TRPS1: variants seen among roughly 807,000 people sequenced by gnomAD.
TRPS1 encodes zinc finger transcription factor Trps1.
A neutral mutation model predicts 101.2 loss-of-function variants in TRPS1; 6 were observed. The ratio of observed to expected loss-of-function variants is 0.06; its 90% CI spans 0.03 to 0.12. The LOEUF (loss-of-function observed/expected upper bound fraction) is 0.12. Among genes scored for constraint, TRPS1 ranks in the 10% least tolerant of loss-of-function variants. The pLI is 1.00. For synonymous variants in TRPS1, 578 were observed against 589.8 expected (o/e 0.98, Z 0.29); for missense variants, 1,363 against 1,567.0 (o/e 0.87, Z 2.20).
chr8:115,577,092 T>C lies in TRPS1; in HGVS notation c.2700+9909A>G, dbSNP rs567401393. Among the ~76,000 whole-genome samples the C allele has an allele frequency of 5.3e-5, 8 of 152,272 alleles. 1 individual carries two copies. The East Asian group carries it at 1.5e-3, about 29-fold the overall frequency. ...ATATAGCCAGTATTGCCTTCAATTA[T>C]ACCATGATTTTGCAAACAAATATAC... On this transcript the variant is annotated intron_variant, in intron 5 of 6. Coordinates refer to ENST00000395715, the MANE Select transcript of TRPS1 (RefSeq NM_014112.5).
At chr8:115,578,243 T>C (rs1490830981) in intron 5 of TRPS1, among the ~76,000 whole-genome samples, 1 of 152,190 alleles carries the variant, frequency 6.6e-6, no homozygotes, top group Non-Finnish European at 1.5e-5. Context: ...TAGAAGTTAA[T>C]CCTTAAATAT....
intron 5 of TRPS1, among the ~76,000 whole-genome samples, chr8:115,506,506 T>C (rs1815448134): frequency 6.6e-6 from 1 of 152,106 alleles, no homozygotes; most frequent in African/African-American, 2.4e-5. Flanking sequence ...ATCTTGTTAT[T>C]GTTACTATTA....
chr8:115,539,882 G>C (rs1176716591), intron 5 of TRPS1, among the ~76,000 whole-genome samples: 3 of 152,134 alleles, frequency 2.0e-5, no homozygotes, highest in Non-Finnish European at 2.9e-5. Context: ...TCCTGATTTT[G>C]CTGGATAATA....
At chr8:115,573,690 A>G (rs1817256991) in intron 5 of TRPS1, among the ~76,000 whole-genome samples, 1 of 152,126 alleles carries the variant, frequency 6.6e-6, no homozygotes, top group Non-Finnish European at 1.5e-5. Context: ...ATGGTTCCCT[A>G]TTTCCTTCTG....
At chr8:115,450,905 C>G (rs1398693605) in intron 5 of TRPS1, among the ~76,000 whole-genome samples, 2 of 151,952 alleles carry the variant, frequency 1.3e-5, no homozygotes, top group African/African-American at 2.4e-5. Context: ...ATTACGAAAA[C>G]CCACAGAACA....
chr8:115,519,817 CAAAAG>C (rs964441626), intron 5 of TRPS1, among the ~76,000 whole-genome samples: 5 of 151,336 alleles, frequency 3.3e-5, no homozygotes, highest in Non-Finnish European at 7.4e-5. Flanking sequence ...TATGACAGTT[CAAAAG>C]AAAAGAAGAA....
chr8:115,664,338 A>G (rs996715718), intron 1 of TRPS1, among the ~76,000 whole-genome samples: 1 of 152,120 alleles, frequency 6.6e-6, no homozygotes, highest in Non-Finnish European at 1.5e-5. Flanking sequence ...ACTCTTAAAC[A>G]ATTAGATTAA....
chr8:115,555,967 G>A (rs1816809893), intron 5 of TRPS1, among the ~76,000 whole-genome samples: 2 of 152,106 alleles, frequency 1.3e-5, no homozygotes, highest in African/African-American at 4.8e-5. Context: ...GGAGGCTGCA[G>A]TGAACCATGA....
At chr8:115,626,117 A>G (rs146502522) in intron 1 of TRPS1, among the ~76,000 whole-genome samples, 1,801 of 151,848 alleles carry the variant, frequency 0.012, 26 homozygotes, top group Middle Eastern at 0.02. Flanking sequence ...GAAAGAAAAA[A>G]TGTTTCTTTT....
At chr8:115,429,841 A>G (rs1366954812) in intron 5 of TRPS1, among the ~76,000 whole-genome samples, 1 of 152,186 alleles carries the variant, frequency 6.6e-6, no homozygotes, top group African/African-American at 2.4e-5. Context: ...AATCTCGGCA[A>G]AAGACGTAAA....
chr8:115,462,820 C>T (rs1053384254), intron 5 of TRPS1, among the ~76,000 whole-genome samples: 6 of 151,948 alleles, frequency 3.9e-5, no homozygotes, highest in African/African-American at 9.7e-5. Flanking sequence ...TCATTTGATG[C>T]GTCCTTGAGC....
At chr8:115,606,805 G>A (rs1176833525) in intron 3 of TRPS1, among the ~76,000 whole-genome samples, 7 of 72,142 alleles carry the variant, frequency 9.7e-5, no homozygotes, top group African/African-American at 6.3e-4. Flanking sequence ...AGGTTCATTT[G>A]CCAAAAAAAA....
chr8:115,599,116 T>C (rs1165731822), intron 4 of TRPS1, among the ~76,000 whole-genome samples: 1 of 152,186 alleles, frequency 6.6e-6, no homozygotes, highest in Non-Finnish European at 1.5e-5. Context: ...TATGTTACAA[T>C]AGCTCATTAT....
chr8:115,593,721 T>C (rs1223059549), intron 4 of TRPS1, among the ~76,000 whole-genome samples: 1 of 152,196 alleles, frequency 6.6e-6, no homozygotes, highest in Non-Finnish European at 1.5e-5. Context: ...AGCATTAACA[T>C]GAAAACTTCA....
chr8:115,565,486 G>GT (rs199816436), intron 5 of TRPS1, among the ~76,000 whole-genome samples: 106 of 72,802 alleles, frequency 1.5e-3, no homozygotes, highest in African/African-American at 5.8e-3. Context: ...AAAATGACAG[G>GT]TTTTTTTTTT....
rs1455806699 is a variant in TRPS1 at position 115,414,129 on chromosome 8, A to G, written c.3779T>C (p.Ile1260Thr). ...TTTGTCCGTGCAAAGATGCTGGCAT[A>G]TGCTGCACTGGAAAGGTCCACTGTC... The part of the protein sequence containing the change: ...HGDSGPFQCS[I>T]CQHLCTDKYD... Residue 1260 changes from isoleucine (I) to threonine (T), a missense_variant, in exon 7 of 7, where the codon ATA becomes ACA. Physicochemically the swap from Ile to Thr is moderately conservative, Grantham distance 89. Transcript: ENST00000395715. This position sits in a 1 kb window ranked among gnomAD's most constrained non-coding sequence, Gnocchi z 4.8. 1 of 1,614,024 alleles carries G rather than the reference A, an allele frequency of 6.2e-7. No homozygotes were observed. The highest frequency in any genetic ancestry group is 8.5e-7 in the Non-Finnish European group (1 of 1,179,924).
rs565595786 is a variant in TRPS1 at position 115,435,594 on chromosome 8, C to G, written c.2701-17142G>C. ...GTGATCTGACTGGGTTCAATTGATT[C>G]CCTGTAGTGTCACTTTAAGTAAAAA... On this transcript the variant is annotated intron_variant, in intron 5 of 6. Transcript: ENST00000395715. 5.3e-5 allele frequency among the ~76,000 whole-genome samples: 8 copies of G among 152,180 alleles called. No homozygotes were observed. The South Asian group carries it at 1.7e-3, about 32-fold the overall frequency.
chr8:115,571,517 T>C (rs1227071812), intron 5 of TRPS1, among the ~76,000 whole-genome samples: 1 of 152,118 alleles, frequency 6.6e-6, no homozygotes, highest in East Asian at 1.9e-4. Flanking sequence ...CCCCTACCAA[T>C]ATCCCAGGGA....
chr8:115,464,878 A>G (rs1328628604), intron 5 of TRPS1, among the ~76,000 whole-genome samples: 2 of 152,106 alleles, frequency 1.3e-5, no homozygotes, highest in Non-Finnish European at 2.9e-5. Flanking sequence ...AGATCATAGG[A>G]ACAAAGTCAA....
Sources: gnomAD v4.1 joint callset for allele counts (sites outside exome capture counted in the v4.1 genomes callset) on GRCh38, gnomAD v4.1.1 for gene constraint, Gnocchi (gnomAD v3.1) non-coding constraint, MANE v1.5 for transcripts, NCBI Gene and HGNC (gene_info 2026-07-23, HGNC 2026-07-21) for gene names.